Variants in EDIL3 observed in about 807,000 individuals in gnomAD.
EDIL3 encodes the protein EGF-like repeat and discoidin I-like domain-containing protein 3.
In EDIL3, 37 loss-of-function variants were observed where a neutral mutation model predicts 67.4. That is an observed-to-expected ratio of 0.55 (90% confidence interval 0.42 to 0.72). EDIL3 has a LOEUF of 0.72. EDIL3 is among the 30% of genes least tolerant of loss of function. The pLI is 0.00. For missense variants in EDIL3, 527 were observed against 586.3 expected, an observed-to-expected ratio of 0.90 and a Z score of 1.04; for synonymous variants, 195 against 196.3, an observed-to-expected ratio of 0.99 and a Z score of 0.05.
At chr5:84,111,903 G>C (rs1028768328) in intron 5 of EDIL3, among the ~76,000 whole-genome samples, 2 of 152,118 alleles carry the variant, frequency 1.3e-5, no homozygotes, top group African/African-American at 2.4e-5. Context: ...GAAGAGAAGA[G>C]GGAATAATAA....
intron 1 of EDIL3, among the ~76,000 whole-genome samples, chr5:84,343,142 C>G (rs1747159983): frequency 6.6e-6 from 1 of 151,846 alleles, no homozygotes; most frequent in South Asian, 2.1e-4. Context: ...AAACTGAAAA[C>G]AGTATTGAGA....
intron 9 of EDIL3, among the ~76,000 whole-genome samples, chr5:83,992,785 AAACTAGTATATTATTAT>A (rs1374918682): frequency 6.6e-6 from 1 of 152,064 alleles, no homozygotes; most frequent in African/African-American, 2.4e-5. Context: ...ATATCATTGT[AAACTAGTATATTATTAT>A]AATGTATTAT....
chr5:83,995,259 C>T (rs971225878), intron 9 of EDIL3, among the ~76,000 whole-genome samples: 3 of 152,142 alleles, frequency 2.0e-5, no homozygotes, highest in East Asian at 3.9e-4. Context: ...CTTCTCAGCT[C>T]CCCTAACACC....
At chr5:84,008,976 C>A (rs1467032396) in intron 9 of EDIL3, among the ~76,000 whole-genome samples, 2 of 152,076 alleles carry the variant, frequency 1.3e-5, no homozygotes, top group African/African-American at 4.8e-5. Flanking sequence ...CCACATCTGG[C>A]TAATTTTGTA....
At chr5:84,376,786 G>A (rs1747976659) in intron 1 of EDIL3, among the ~76,000 whole-genome samples, 1 of 152,140 alleles carries the variant, frequency 6.6e-6, no homozygotes. Flanking sequence ...GGGTCTTCTT[G>A]TTTGTTTTGC....
chr5:84,347,980 C>A (rs1747268085), intron 1 of EDIL3, among the ~76,000 whole-genome samples: 1 of 151,960 alleles, frequency 6.6e-6, no homozygotes, highest in African/African-American at 2.4e-5. Flanking sequence ...CAGTAATAGA[C>A]CAGAGATGGT....
rs1243238781 is a variant in EDIL3 at position 83,940,682 on chromosome 5, A to G, written c.*2737T>C. On this transcript the variant is annotated 3_prime_UTR_variant, in exon 11 of 11. Coordinates refer to ENST00000296591, the MANE Select transcript of EDIL3 (RefSeq NM_005711.5). ...TCCTACGTGATATAAGTATATATACAAAGAAAAAAACAACATTGGAATATT... is the reference window on the plus strand; with the variant it reads ...TCCTACGTGATATAAGTATATATACGAAGAAAAAAACAACATTGGAATATT... 2 of 152,034 alleles carry G rather than the reference A, an allele frequency of 1.3e-5. No individual in the cohort carries two copies. The highest frequency in any genetic ancestry group is 2.4e-5 in the African/African-American group (1 of 41,462). The allele number at this position is 152,034 out of a possible 1,614,324, so 9.4% of individuals were successfully genotyped here.
chr5:84,190,652 A>G lies in EDIL3; in HGVS notation c.227-10131T>C, dbSNP rs1743567135. Among the ~76,000 whole-genome samples, 3 of 149,698 alleles carry G rather than the reference A, an allele frequency of 2.0e-5. No homozygotes were observed. In the Admixed American group the frequency reaches 2.0e-4, roughly 10 times the overall value. The stretch of plus-strand genomic sequence containing the variant: ...AGTTTCAGGGGCATCAAGCAATCTC[A>G]CTATTTCACATAGTGTCTCTAAGCA... On this transcript the variant is annotated intron_variant, in intron 3 of 10. Transcript: ENST00000296591.
intron 5 of EDIL3, among the ~76,000 whole-genome samples, chr5:84,133,586 C>T (rs1031391724): frequency 1.3e-5 from 2 of 151,630 alleles, no homozygotes; most frequent in Admixed American, 6.6e-5. Context: ...GAGATTGTGC[C>T]ACTACACTCC....
intron 9 of EDIL3, among the ~76,000 whole-genome samples, chr5:83,977,059 T>C (rs1744888321): frequency 6.6e-6 from 1 of 151,814 alleles, no homozygotes; most frequent in Non-Finnish European, 1.5e-5. Context: ...CTTATACTTA[T>C]CGCTTGGTAA....
intron 3 of EDIL3, among the ~76,000 whole-genome samples, chr5:84,197,307 G>A (rs1743730367): frequency 6.6e-6 from 1 of 151,920 alleles, no homozygotes; most frequent in African/African-American, 2.4e-5. Context: ...TTGGAAACTT[G>A]GGTATGACAT....
intron 1 of EDIL3, among the ~76,000 whole-genome samples, chr5:84,369,342 A>G (rs1747800012): frequency 6.6e-6 from 1 of 152,024 alleles, no homozygotes; most frequent in South Asian, 2.1e-4. Flanking sequence ...TGCCTTAAAA[A>G]GGAACGACAA....
intron 1 of EDIL3, among the ~76,000 whole-genome samples, chr5:84,264,072 T>C (rs1293482125): frequency 6.6e-6 from 1 of 151,988 alleles, no homozygotes; most frequent in Non-Finnish European, 1.5e-5. Flanking sequence ...CCTGTTGAGT[T>C]AGAGGTATAC....
At chr5:84,075,158 A>G (rs1746826908) in intron 6 of EDIL3, among the ~76,000 whole-genome samples, 2 of 149,580 alleles carry the variant, frequency 1.3e-5, no homozygotes, top group Non-Finnish European at 3.0e-5. Context: ...ATAAGAACAC[A>G]TGGACACAGG....
rs534405696 is a variant in EDIL3, at chr5:84,323,062, G to A, written c.67+61246C>T. Among the ~76,000 whole-genome samples, 6 of 152,132 alleles carry A rather than the reference G, an allele frequency of 3.9e-5. No homozygotes were observed. In the South Asian group the frequency reaches 1.2e-3, roughly 31 times the overall value. ...TAGACCTATAAAATCTATTATTTTAGTAATGGTTTGTAACTTTAATATTTG... is the reference window on the plus strand; with the variant it reads ...TAGACCTATAAAATCTATTATTTTAATAATGGTTTGTAACTTTAATATTTG... On this transcript the variant is annotated intron_variant, in intron 1 of 10. Coordinates refer to ENST00000296591, the MANE Select transcript of EDIL3 (RefSeq NM_005711.5).
chr5:84,384,434 C>A lies in EDIL3; in HGVS notation c.-60G>T. On this transcript the variant is annotated 5_prime_UTR_variant, in exon 1 of 11. Coordinates refer to ENST00000296591, the MANE Select transcript of EDIL3 (RefSeq NM_005711.5). ...GGGGTCGTCGCGGAGGGCAGTGTAG[C>A]CGAGGTGGCAGCGCAGGGCAGCAGC... is the stretch of plus-strand genomic sequence containing the variant. 6.3e-7 allele frequency: 1 copy of A among 1,578,092 alleles called. No homozygotes were observed.
At chr5:84,354,863 T>C (rs1663006052) in intron 1 of EDIL3, among the ~76,000 whole-genome samples, 1 of 152,170 alleles carries the variant, frequency 6.6e-6, no homozygotes, top group Non-Finnish European at 1.5e-5. Context: ...TTAGTATCTG[T>C]AGTTTATGTT....
chr5:84,369,772 A>C (rs1747806767), intron 1 of EDIL3, among the ~76,000 whole-genome samples: 1 of 152,144 alleles, frequency 6.6e-6, no homozygotes, highest in South Asian at 2.1e-4. Context: ...ATTTTACTAT[A>C]ATAATTAAAT....
At chr5:84,252,738 AGACTTTCCTGAG>A (rs1745048696) in intron 2 of EDIL3, among the ~76,000 whole-genome samples, 1 of 152,074 alleles carries the variant, frequency 6.6e-6, no homozygotes, top group East Asian at 1.9e-4. Context: ...TCAGATATAC[AGACTTTCCTGAG>A]GATATGATTC....
Sources: gnomAD v4.1 joint callset for allele counts (sites outside exome capture counted in the v4.1 genomes callset) on GRCh38, gnomAD v4.1.1 for gene constraint, MANE v1.5 for transcripts, NCBI Gene and HGNC (gene_info 2026-07-23, HGNC 2026-07-21) for gene names.